The following SORCS1 variants were observed in gnomAD, a reference collection of about 807,000 sequenced individuals.
SORCS1 encodes VPS10 domain-containing receptor SorCS1.
In SORCS1, 60 loss-of-function variants were observed where a neutral mutation model predicts 146.1. The ratio of observed to expected loss-of-function variants is 0.41; its 90% CI spans 0.33 to 0.51. The LOEUF (loss-of-function observed/expected upper bound fraction) is 0.51. SORCS1 is among the 20% of genes least tolerant of loss of function. SORCS1 has a pLI of 0.21. For synonymous variants in SORCS1, 637 were observed against 584.0 expected (o/e 1.09, Z -1.31); for missense variants, 1,352 against 1,487.6 (o/e 0.91, Z 1.50).
chr10:106,966,106 T>C (rs719965), intron 1 of SORCS1, among the ~76,000 whole-genome samples: 93,561 of 152,118 alleles, frequency 0.62, 28,885 homozygotes, highest in East Asian at 0.72. Flanking sequence ...TGCAGCTAAC[T>C]GCAGATTTCC....
intron 23 of SORCS1, among the ~76,000 whole-genome samples, chr10:106,598,267 T>TATC (rs1370336446): frequency 2.0e-5 from 3 of 148,090 alleles, no homozygotes; most frequent in Non-Finnish European, 4.5e-5. Flanking sequence ...TTATTATTAT[T>TATC]ATTATTATTA....
intron 18 of SORCS1, among the ~76,000 whole-genome samples, chr10:106,648,220 T>A (rs1849599082): frequency 6.6e-6 from 1 of 152,156 alleles, no homozygotes; most frequent in East Asian, 1.9e-4. Flanking sequence ...TCTCTTTTAC[T>A]TGTCTTACTT....
chr10:106,989,600 C>T (rs549575734), intron 1 of SORCS1, among the ~76,000 whole-genome samples: 7 of 151,658 alleles, frequency 4.6e-5, no homozygotes, highest in Non-Finnish European at 1.0e-4. Context: ...GCACTGTGTC[C>T]CTTCATTTAT....
Position 106,586,860 on chromosome 10 carries a change from G to C in SORCS1, c.3266-7386C>G, listed in dbSNP as rs138023348. The stretch of plus-strand genomic sequence containing the variant: ...AGTCCTAGCTACTCGAGAGGCTGAG[G>C]CAGACAGATCGCTTGAGCCCAGGTG... On this transcript the variant is annotated intron_variant, in intron 24 of 25. Coordinates refer to ENST00000263054, the MANE Select transcript of SORCS1 (RefSeq NM_052918.5). Among the ~76,000 whole-genome samples the C allele has an allele frequency of 8.2e-4, 125 of 152,236 alleles. No homozygotes were observed. The East Asian group carries it at 0.014, about 17-fold the overall frequency.
At chr10:106,610,924 G>C (rs571644660) in intron 22 of SORCS1, among the ~76,000 whole-genome samples, 1 of 151,908 alleles carries the variant, frequency 6.6e-6, no homozygotes, top group African/African-American at 2.4e-5. Context: ...CTTAAAATAC[G>C]AAAAAAATAG....
intron 1 of SORCS1, among the ~76,000 whole-genome samples, chr10:107,160,706 A>G (rs1334656689): frequency 6.6e-6 from 1 of 152,086 alleles, no homozygotes; most frequent in African/African-American, 2.4e-5. Flanking sequence ...ACTAAACTTA[A>G]CTCCGGCATA....
intron 21 of SORCS1, 64 bp from the exon 22 acceptor site, chr10:106,612,087 CTTTATAT>C: frequency 1.5e-6 from 2 of 1,321,650 alleles, no homozygotes; most frequent in Non-Finnish European, 2.2e-6. Flanking sequence ...GTTTGTTAGA[CTTTATAT>C]TTTATACAAA....
chr10:106,892,456 A>C (rs970131324), intron 2 of SORCS1, among the ~76,000 whole-genome samples: 14 of 152,172 alleles, frequency 9.2e-5, no homozygotes, highest in African/African-American at 3.4e-4. Context: ...CACCTAGCAC[A>C]TTTCACTCTT....
chr10:106,855,234 TG>T (rs1248070358), intron 2 of SORCS1, among the ~76,000 whole-genome samples: 1 of 152,208 alleles, frequency 6.6e-6, no homozygotes, highest in Non-Finnish European at 1.5e-5. Flanking sequence ...AGAAGTCAGA[TG>T]TATTTTTCAT....
intron 1 of SORCS1, among the ~76,000 whole-genome samples, chr10:107,149,631 T>C (rs930478596): frequency 6.6e-6 from 1 of 152,224 alleles, no homozygotes; most frequent in Admixed American, 6.5e-5. Context: ...TGCGCATTCT[T>C]GATTGTGTGT....
the SORCS1 span, among the ~76,000 whole-genome samples, chr10:107,173,787 T>G: frequency 6.6e-6 from 1 of 152,202 alleles, no homozygotes; most frequent in South Asian, 2.1e-4. Flanking sequence ...CACCATTAAT[T>G]TAAAATTTAA....
At chr10:107,090,919 T>TACAC (rs10569833) in intron 1 of SORCS1, among the ~76,000 whole-genome samples, 1,729 of 149,592 alleles carry the variant, frequency 0.012, 15 homozygotes, top group Middle Eastern at 0.066. Context: ...TATTCTAAAG[T>TACAC]ACACACACAC....
intron 21 of SORCS1, among the ~76,000 whole-genome samples, chr10:106,613,342 A>G (rs1210450622): frequency 6.6e-6 from 1 of 152,142 alleles, no homozygotes; most frequent in Admixed American, 6.6e-5. Flanking sequence ...CCGTGCATGC[A>G]TATAGGACAG....
At chr10:106,824,092 T>C (rs1017689572) in intron 3 of SORCS1, among the ~76,000 whole-genome samples, 2 of 142,674 alleles carry the variant, frequency 1.4e-5, no homozygotes, top group African/African-American at 5.3e-5. Context: ...TCACCTGGGG[T>C]CAGGAGTTCG....
chr10:106,869,905 G>A (rs539157973), intron 2 of SORCS1, among the ~76,000 whole-genome samples: 18 of 152,148 alleles, frequency 1.2e-4, no homozygotes, highest in African/African-American at 2.9e-4. Flanking sequence ...TCAAACTGTC[G>A]CTGTTTGAAG....
At chr10:107,086,865 TAAA>T (rs1379431475) in intron 1 of SORCS1, among the ~76,000 whole-genome samples, 1 of 152,118 alleles carries the variant, frequency 6.6e-6, no homozygotes, top group East Asian at 1.9e-4. Flanking sequence ...TCGTCTCTAG[TAAA>T]AATACAAACA....
intron 14 of SORCS1, among the ~76,000 whole-genome samples, chr10:106,673,952 A>G (rs1414095007): frequency 2.6e-5 from 4 of 152,110 alleles, no homozygotes; most frequent in Admixed American, 1.3e-4. Context: ...TAATTTAGCT[A>G]CGTCTCTCAT....
chr10:106,605,725 C>T (rs1188282609), intron 23 of SORCS1, among the ~76,000 whole-genome samples: 2 of 152,164 alleles, frequency 1.3e-5, no homozygotes, highest in African/African-American at 4.8e-5. Context: ...CCACCCTTCA[C>T]CTCCACTTCA....
intron 4 of SORCS1, among the ~76,000 whole-genome samples, chr10:106,768,103 C>A (rs904192339): frequency 2.6e-5 from 4 of 152,160 alleles, no homozygotes; most frequent in Non-Finnish European, 4.4e-5. Context: ...TCCTTGTTTG[C>A]ATATGATGGC....
Sources: allele counts gnomAD v4.1 joint callset (sites outside exome capture counted in the v4.1 genomes callset), GRCh38; gene constraint gnomAD v4.1.1; transcripts MANE v1.5; gene names NCBI Gene and HGNC (gene_info 2026-07-23, HGNC 2026-07-21).